TGM7: variants seen among roughly 807,000 people sequenced by gnomAD.
TGM7 encodes the protein transglutaminase 7, also known as protein-glutamine gamma-glutamyltransferase Z.
A neutral mutation model predicts 79.5 loss-of-function variants in TGM7; 74 were observed. The ratio of observed to expected loss-of-function variants is 0.93; its 90% CI spans 0.77 to 1.13. The LOEUF (loss-of-function observed/expected upper bound fraction) is 1.13, where lower values mean the gene tolerates loss of function less well. Among genes scored for constraint, TGM7 ranks in the 50% most tolerant of loss-of-function variants. The pLI is 0.00. For missense variants in TGM7, 912 were observed against 905.9 expected (o/e 1.01, Z -0.09); for synonymous variants, 354 against 362.5 (o/e 0.98, Z 0.27).
intron 1 of TGM7, chr15:43,301,962 T>G (rs1230299923): frequency 3.9e-6 from 2 of 507,844 alleles, no homozygotes; most frequent in African/African-American, 3.9e-5. Flanking sequence ...CCAAGCTCTT[T>G]TTGGGGCTCC....
In TGM7 at chr15:43,296,253, T is replaced by G. The variant is rs536292269; in HGVS notation, c.11-2622A>C. 1.8e-4 allele frequency among the ~76,000 whole-genome samples: 28 copies of G among 152,002 alleles called. No individual in the cohort carries two copies. In the East Asian group the frequency reaches 4.1e-3, roughly 22 times the overall value. ...ATCCTGGCTAACATGGTGAAACCCC[T>G]TCTCTACTAAAGATACAAAAAATTA... On this transcript the variant is annotated intron_variant, in intron 1 of 12. Transcript: ENST00000452443.
In TGM7 at chr15:43,279,752, G is replaced by C; in HGVS notation, c.1551C>G (p.Asp517Glu). 6.2e-7 allele frequency: 1 copy of C among 1,614,084 alleles called. No homozygotes were observed. The highest frequency in any genetic ancestry group is 8.5e-7 in the Non-Finnish European group (1 of 1,180,048). ...QLLLRIQRVP[D>E]STHPRGPIGL... ...CGATGGGCCCCCGAGGGTGGGTGCT[G>C]TCTGGCACCCTCTGGATACGCAGCA... is the stretch of plus-strand genomic sequence containing the variant. The change falls in exon 10 of 13, where the codon GAC becomes GAG. Residue 517 changes from aspartate (D) to glutamate (E), a missense_variant. Physicochemically the swap from Asp to Glu is conservative, Grantham distance 45. Transcript: ENST00000452443.
At chr15:43,300,909 A>G (rs576849866) in intron 1 of TGM7, among the ~76,000 whole-genome samples, 1 of 152,256 alleles carries the variant, frequency 6.6e-6, no homozygotes, top group Non-Finnish European at 1.5e-5. Flanking sequence ...CCTGGAATCT[A>G]GCACGTGACA....
intron 11 of TGM7, among the ~76,000 whole-genome samples, 200 bp downstream of exon 11, chr15:43,278,917 C>G (rs2042891171): frequency 6.6e-6 from 1 of 152,230 alleles, no homozygotes; most frequent in Non-Finnish European, 1.5e-5. Flanking sequence ...TATGCATCCT[C>G]TGAAAAATAG....
chr15:43,293,471 G>A lies in TGM7; in HGVS notation c.171C>T (p.His57=), dbSNP rs1317374647. ...FSRPFQSQND[H]ITFVAETGPK... ...CACCGGTCTCAGCCACAAAGGTGAT[G>A]TGGTCGTTCTGGGACTGGAAGGGTC... The change falls in exon 2 of 13, where the codon CAC becomes CAT. Residue 57 remains histidine (H), a synonymous_variant. Transcript: ENST00000452443. 5 of 1,608,156 alleles carry A rather than the reference G, an allele frequency of 3.1e-6. No individual in the cohort carries two copies. The Admixed American group carries it at 5.0e-5, about 16-fold the overall frequency.
At chr15:43,277,110 A>G in intron 11 of TGM7, 115 bp from the exon 12 acceptor site, 1 of 1,362,996 alleles carries the variant, frequency 7.3e-7, no homozygotes, top group East Asian at 2.3e-5. Flanking sequence ...GCTTAGAGCT[A>G]ATGTGCCACA....
At chr15:43,289,100 C>T (rs825734) in intron 4 of TGM7, among the ~76,000 whole-genome samples, 69,975 of 151,466 alleles carry the variant, frequency 0.46, 19,948 homozygotes, top group African/African-American at 0.81. Flanking sequence ...TTGGGGTACA[C>T]GTGCACAACG....
chr15:43,277,429 T>C (rs1190782908), intron 11 of TGM7, among the ~76,000 whole-genome samples: 2 of 152,208 alleles, frequency 1.3e-5, no homozygotes, highest in Non-Finnish European at 2.9e-5. Context: ...CCATCAGTGA[T>C]GTCATCCTGC....
In TGM7 at chr15:43,276,517, T is replaced by G; in HGVS notation, c.2071A>C (p.Asn691His). 1.2e-6 allele frequency: 2 copies of G among 1,614,112 alleles called. No homozygotes were observed. The highest frequency in any genetic ancestry group is 1.7e-6 in the Non-Finnish European group (2 of 1,179,996). The change falls in exon 13 of 13, where the codon AAC becomes CAC. Residue 691 changes from asparagine (N) to histidine (H), a missense_variant. Coordinates refer to ENST00000452443, the MANE Select transcript of TGM7 (RefSeq NM_052955.3). ...PRQLQVLISS[N>H]EVKEIKGYKD... ...TAGCCTTTGATCTCCTTGACCTCGT[T>G]GCTGCTGATGAGAACCTGGAGCTGG...
rs142472830 is a variant in TGM7 at position 43,278,476 on chromosome 15, G to A, written c.1839+641C>T. On this transcript the variant is annotated intron_variant, in intron 11 of 12. Transcript: ENST00000452443. ...CAATACTCACCTTTTGTTTTGTTTT[G>A]TTGAGACAAGGTCTCACTCTGTTGT... Among the ~76,000 whole-genome samples the A allele has an allele frequency of 4.1e-3, 616 of 152,034 alleles. 3 individuals carry two copies. Among genetic ancestry groups the A allele is most frequent in the African/African-American group, 0.014 (583 of 41,460 alleles).
At chr15:43,280,767 T>C (rs1435985181) in intron 9 of TGM7, among the ~76,000 whole-genome samples, 3 of 152,186 alleles carry the variant, frequency 2.0e-5, no homozygotes, top group African/African-American at 4.8e-5. Context: ...ATTACAAGAC[T>C]GAACGAAGGG....
intron 1 of TGM7, 157 bp downstream of exon 1, chr15:43,302,084 G>A (rs960357670): frequency 1.2e-6 from 1 of 821,546 alleles, no homozygotes; most frequent in East Asian, 2.5e-5. Flanking sequence ...TCCAAATGCA[G>A]ATGGAGAAGT....
intron 3 of TGM7, 144 bp downstream of exon 3, chr15:43,292,565 C>A: frequency 2.9e-6 from 3 of 1,047,288 alleles, no homozygotes; most frequent in East Asian, 2.4e-5. Context: ...ATTAGAAATT[C>A]TTTGTAAAGA....
At position 43,292,013 on chromosome 15, in the gene TGM7, C is replaced by G. The variant is rs1202830515; in HGVS notation, c.524G>C (p.Arg175Thr). Reference sequence around the variant, plus strand: ...GTTCCAGGGCCAGGAGGTGATGAATCTTTCATGACCCTTGTAAACAAAGCC... The same window carrying G: ...GTTCCAGGGCCAGGAGGTGATGAATGTTTCATGACCCTTGTAAACAAAGCC... ...DYGFVYKGHE[R>T]FITSWPWNYG... The change falls in exon 4 of 13, where the codon AGA becomes ACA. Residue 175 changes from arginine to threonine, a missense_variant. Physicochemically the swap from Arg to Thr is moderately conservative, Grantham distance 71 (BLOSUM62 -1). Transcript: ENST00000452443. The G allele has an allele frequency of 4.3e-6, 7 of 1,613,974 alleles. No individual in the cohort carries two copies. The highest frequency in any genetic ancestry group is 5.9e-6 in the Non-Finnish European group (7 of 1,179,934).
chr15:43,295,213 A>G (rs547332740), intron 1 of TGM7, among the ~76,000 whole-genome samples: 14 of 152,240 alleles, frequency 9.2e-5, no homozygotes, highest in Non-Finnish European at 1.8e-4. Flanking sequence ...CAGTAATAAG[A>G]TGTTTCTAAG....
At chr15:43,296,147 C>T (rs1359400702) in intron 1 of TGM7, among the ~76,000 whole-genome samples, 1 of 152,140 alleles carries the variant, frequency 6.6e-6, no homozygotes, top group Non-Finnish European at 1.5e-5. Context: ...AGAAAGCAGC[C>T]GGGTGAGGTG....
chr15:43,285,265 G>A (rs147319231), intron 6 of TGM7, among the ~76,000 whole-genome samples: 1 of 152,178 alleles, frequency 6.6e-6, no homozygotes, highest in African/African-American at 2.4e-5. Context: ...GGCCAGGCGC[G>A]GTGGCTTACG....
chr15:43,281,832 C>T lies in TGM7; in HGVS notation c.1351+12G>A. The T allele has an allele frequency of 6.2e-7, 1 of 1,611,358 alleles. No individual in the cohort carries two copies. Among genetic ancestry groups the T allele is most frequent in the Middle Eastern group, 1.7e-4 (1 of 6,054 alleles). On this transcript the variant is annotated intron_variant, in intron 9 of 12. Coordinates refer to ENST00000452443, the MANE Select transcript of TGM7 (RefSeq NM_052955.3). ...CTTAAAGCAGCCCTTTCCCCAAATA[C>T]CCGCCCAGCACCTTCTGGGTACTTG...
intron 1 of TGM7, among the ~76,000 whole-genome samples, chr15:43,296,185 G>A (rs2042991148): frequency 6.6e-6 from 1 of 152,196 alleles, no homozygotes; most frequent in South Asian, 2.1e-4. Flanking sequence ...CAGCACTTTG[G>A]GAGGCCAAGG....
Sources: allele counts gnomAD v4.1 joint callset (sites outside exome capture counted in the v4.1 genomes callset), GRCh38; gene constraint gnomAD v4.1.1; transcripts MANE v1.5; gene names NCBI Gene and HGNC (gene_info 2026-07-23, HGNC 2026-07-21).